SYN3: variants seen among roughly 807,000 people sequenced by gnomAD.
SYN3 encodes synapsin-3.
SYN3 carries 35 observed loss-of-function variants against 65.8 expected under a neutral mutation model. The ratio of observed to expected loss-of-function variants is 0.53; its 90% CI spans 0.41 to 0.70. The LOEUF (loss-of-function observed/expected upper bound fraction) is 0.70, where lower values mean the gene tolerates loss of function less well. Among genes scored for constraint, SYN3 ranks in the 30% least tolerant of loss-of-function variants. The probability of loss-of-function intolerance (pLI) is 0.00; values close to 1 mark genes in which losing one functional copy is unlikely to be tolerated. For synonymous variants in SYN3, 270 were observed against 292.9 expected (o/e 0.92, Z 0.80); for missense variants, 680 against 749.0 (o/e 0.91, Z 1.08).
chr22:32,562,753 A>T (rs1487246101), intron 7 of SYN3, among the ~76,000 whole-genome samples: 2 of 152,258 alleles, frequency 1.3e-5, no homozygotes, highest in East Asian at 3.8e-4. Flanking sequence ...TGCTTGGCCT[A>T]AGCCCTGCTT....
At chr22:32,998,326 T>A (rs2052948662) in intron 2 of SYN3, among the ~76,000 whole-genome samples, 1 of 152,154 alleles carries the variant, frequency 6.6e-6, no homozygotes, top group Admixed American at 6.5e-5. Flanking sequence ...TGTAGTCTGA[T>A]ATTCTCTCCA....
At chr22:32,529,758 C>T (rs59201972) in intron 10 of SYN3, among the ~76,000 whole-genome samples, 2,491 of 152,302 alleles carry the variant, frequency 0.016, 61 homozygotes, top group African/African-American at 0.056. Context: ...GGCGCATCTG[C>T]GGAACAGCTG....
chr22:32,715,122 A>C (rs1380055277), intron 6 of SYN3, among the ~76,000 whole-genome samples: 1 of 152,232 alleles, frequency 6.6e-6, no homozygotes, highest in Non-Finnish European at 1.5e-5. Context: ...CTGGTAAGCC[A>C]GCTCTCTGAA....
chr22:32,892,442 A>G (rs111422296), intron 4 of SYN3, among the ~76,000 whole-genome samples: 3 of 152,218 alleles, frequency 2.0e-5, no homozygotes, highest in African/African-American at 7.2e-5. Context: ...TTGGTTTTGT[A>G]GGATAGTGTG....
intron 4 of SYN3, among the ~76,000 whole-genome samples, chr22:32,929,945 C>A (rs1373559628): frequency 6.6e-6 from 1 of 152,122 alleles, no homozygotes; most frequent in Non-Finnish European, 1.5e-5. Flanking sequence ...TACTGTCACA[C>A]CAACTCTTAG....
intron 6 of SYN3, among the ~76,000 whole-genome samples, chr22:32,709,696 C>CTT (rs200497488): frequency 1.3e-5 from 2 of 151,272 alleles, no homozygotes; most frequent in Non-Finnish European, 3.0e-5. Context: ...TTTCCTTTTT[C>CTT]TTTTTTTTTC....
intron 6 of SYN3, among the ~76,000 whole-genome samples, chr22:32,756,798 C>A (rs980878481): frequency 5.3e-5 from 8 of 152,210 alleles, no homozygotes; most frequent in African/African-American, 1.9e-4. Context: ...CGGGGCCAGT[C>A]CTGTACAACC....
chr22:32,671,353 CACTCTT>C (rs2147064166), intron 6 of SYN3, among the ~76,000 whole-genome samples: 1 of 152,046 alleles, frequency 6.6e-6, no homozygotes, highest in East Asian at 1.9e-4. Flanking sequence ...CACCCACACT[CACTCTT>C]ACTTCCTCAC....
chr22:32,655,544 C>T (rs891142411), intron 6 of SYN3, among the ~76,000 whole-genome samples: 7 of 152,134 alleles, frequency 4.6e-5, no homozygotes, highest in Admixed American at 1.3e-4. Context: ...TATTACCGCC[C>T]GCACTCTGCC....
chr22:32,805,028 T>TGTGC (rs899441113), intron 6 of SYN3, among the ~76,000 whole-genome samples: 1 of 5,162 alleles, frequency 1.9e-4, no homozygotes, highest in East Asian at 1.5e-3. Context: ...CGTGTGTGCG[T>TGTGC]GTGTGTGTGT....
At chr22:32,596,796 G>A in intron 6 of SYN3, 60 bp from the exon 7 acceptor site, 2 of 1,512,902 alleles carry the variant, frequency 1.3e-6, no homozygotes, top group Non-Finnish European at 1.8e-6. Context: ...CAAGGCTCTG[G>A]GTGCTGCTTG....
intron 4 of SYN3, among the ~76,000 whole-genome samples, chr22:32,928,449 T>TTGC (rs1390590337): frequency 1.3e-5 from 2 of 152,324 alleles, no homozygotes; most frequent in African/African-American, 4.8e-5. Flanking sequence ...TTGGGCAAAA[T>TTGC]CTTTGAACAA....
chr22:32,917,540 A>C (rs1382820648), intron 4 of SYN3, among the ~76,000 whole-genome samples: 1 of 152,168 alleles, frequency 6.6e-6, no homozygotes. Flanking sequence ...TTTCTCCCAC[A>C]GTGGCATATG....
chr22:32,990,353 C>T (rs991111239), intron 2 of SYN3, among the ~76,000 whole-genome samples: 43 of 151,230 alleles, frequency 2.8e-4, no homozygotes, highest in African/African-American at 9.5e-4. Context: ...TCCACCCATC[C>T]ATCCACATAT....
At chr22:32,793,294 A>G (rs969120708) in intron 6 of SYN3, among the ~76,000 whole-genome samples, 2 of 152,158 alleles carry the variant, frequency 1.3e-5, no homozygotes, top group Admixed American at 6.5e-5. Flanking sequence ...GCTTCTGCCA[A>G]TAATCTGGTG....
At chr22:32,694,832 C>T (rs5754218) in intron 6 of SYN3, among the ~76,000 whole-genome samples, 3,914 of 152,280 alleles carry the variant, frequency 0.026, 80 homozygotes, top group South Asian at 0.055. Flanking sequence ...GAGTTCCATG[C>T]GCTATTTTCT....
chr22:32,774,769 C>T (rs1051016183), intron 6 of SYN3, among the ~76,000 whole-genome samples: 6 of 152,036 alleles, frequency 3.9e-5, no homozygotes, highest in African/African-American at 1.2e-4. Flanking sequence ...TAATTTTGTA[C>T]TTTTAGTAGA....
intron 6 of SYN3, among the ~76,000 whole-genome samples, chr22:32,722,451 T>C (rs986391803): frequency 4.6e-5 from 7 of 152,164 alleles, no homozygotes; most frequent in African/African-American, 1.7e-4. Context: ...GGTTTTAGGT[T>C]GAGCAACCTG....
chr22:32,803,166 A>ACTGGG (rs773095757), intron 6 of SYN3, among the ~76,000 whole-genome samples: 2 of 152,096 alleles, frequency 1.3e-5, no homozygotes, highest in Admixed American at 6.5e-5. Flanking sequence ...GTGTGTGTGC[A>ACTGGG]CTGGGCTGGG....
Sources: allele counts gnomAD v4.1 joint callset (sites outside exome capture counted in the v4.1 genomes callset), GRCh38; gene constraint gnomAD v4.1.1; transcripts MANE v1.5; gene names NCBI Gene and HGNC (gene_info 2026-07-23, HGNC 2026-07-21).